FBXL7: variants seen among roughly 807,000 people sequenced by gnomAD.
The protein encoded by FBXL7 is F-box and leucine rich repeat protein 7.
Under a neutral mutation model 38.3 loss-of-function variants are expected in FBXL7, and 12 were observed. That is an observed-to-expected ratio of 0.31 (90% confidence interval 0.20 to 0.51). FBXL7 has a LOEUF of 0.51. Among genes scored for constraint, FBXL7 ranks in the 20% least tolerant of loss-of-function variants. FBXL7 has a pLI of 0.98. For missense variants in FBXL7, 567 were observed against 676.4 expected (o/e 0.84, Z 1.79); for synonymous variants, 297 against 300.9 (o/e 0.99, Z 0.13).
At chr5:15,556,359 G>A (rs548968554) in intron 1 of FBXL7, among the ~76,000 whole-genome samples, 1 of 152,188 alleles carries the variant, frequency 6.6e-6, no homozygotes, top group Non-Finnish European at 1.5e-5. Context: ...TCAGTCTTCT[G>A]CCTTTTGTTC....
At chr5:15,761,780 G>A (rs1364717629) in intron 2 of FBXL7, among the ~76,000 whole-genome samples, 2 of 152,090 alleles carry the variant, frequency 1.3e-5, no homozygotes, top group East Asian at 1.9e-4. Context: ...TCCTGGACTC[G>A]AGTGATCTGC....
intron 1 of FBXL7, among the ~76,000 whole-genome samples, chr5:15,534,101 C>A (rs2126396559): frequency 6.6e-6 from 1 of 152,302 alleles, no homozygotes; most frequent in South Asian, 2.1e-4. Flanking sequence ...CATACAGGCA[C>A]AGCGTCCTGC....
At chr5:15,646,256 A>G (rs1561067650) in intron 2 of FBXL7, among the ~76,000 whole-genome samples, 1 of 152,256 alleles carries the variant, frequency 6.6e-6, no homozygotes, top group Non-Finnish European at 1.5e-5. Flanking sequence ...AGTTTCCAGT[A>G]TGATCCTGAC....
intron 2 of FBXL7, among the ~76,000 whole-genome samples, chr5:15,745,164 C>T (rs184899467): frequency 1.3e-5 from 2 of 152,008 alleles, no homozygotes; most frequent in Admixed American, 1.3e-4. Flanking sequence ...TCAATTTAAA[C>T]ATTTAGTTAT....
intron 2 of FBXL7, among the ~76,000 whole-genome samples, chr5:15,761,636 T>C (rs548185327): frequency 1.3e-5 from 2 of 152,332 alleles, no homozygotes; most frequent in Admixed American, 6.5e-5. Context: ...CTCCATCTCC[T>C]GGGCTCAGGT....
At chr5:15,799,446 C>T (rs1737502351) in intron 2 of FBXL7, among the ~76,000 whole-genome samples, 1 of 149,562 alleles carries the variant, frequency 6.7e-6, no homozygotes, top group Non-Finnish European at 1.5e-5. Flanking sequence ...ACCTCAACCT[C>T]CGCCTCCTGG....
chr5:15,850,961 C>T (rs1029756303), intron 2 of FBXL7, among the ~76,000 whole-genome samples: 1 of 152,220 alleles, frequency 6.6e-6, no homozygotes, highest in Non-Finnish European at 1.5e-5. Flanking sequence ...CATGTAAGAA[C>T]TCCCAACTCC....
chr5:15,863,210 A>C (rs1490491694), intron 2 of FBXL7, among the ~76,000 whole-genome samples: 1 of 152,226 alleles, frequency 6.6e-6, no homozygotes, highest in African/African-American at 2.4e-5. Flanking sequence ...AGTAGCAAAA[A>C]CCCAAGGATG....
At chr5:15,687,883 A>G (rs1170185710) in intron 2 of FBXL7, among the ~76,000 whole-genome samples, 1 of 152,238 alleles carries the variant, frequency 6.6e-6, no homozygotes, top group African/African-American at 2.4e-5. Flanking sequence ...TTGAGGGATG[A>G]TAGTACTAAG....
intron 2 of FBXL7, among the ~76,000 whole-genome samples, chr5:15,891,476 A>G (rs1273954559): frequency 6.6e-6 from 1 of 152,248 alleles, no homozygotes; most frequent in African/African-American, 2.4e-5. Context: ...GTACATATTT[A>G]TGTAAACTAG....
At chr5:15,641,061 T>A (rs1741353163) in intron 2 of FBXL7, among the ~76,000 whole-genome samples, 1 of 152,186 alleles carries the variant, frequency 6.6e-6, no homozygotes. Flanking sequence ...GGCCTGAGCT[T>A]GCTAATACAC....
At chr5:15,852,040 C>T (rs1739112952) in intron 2 of FBXL7, among the ~76,000 whole-genome samples, 1 of 152,130 alleles carries the variant, frequency 6.6e-6, no homozygotes. Flanking sequence ...CTGTCAATGG[C>T]TTCAAGGTCA....
chr5:15,501,530 T>C, intron 1 of FBXL7: 3 of 985,546 alleles, frequency 3.0e-6, no homozygotes, highest in Non-Finnish European at 1.2e-6. Context: ...TAAGAAGGTT[T>C]GTGTCTAGTG....
chr5:15,519,882 C>T (rs1044130078), intron 1 of FBXL7, among the ~76,000 whole-genome samples: 9 of 152,150 alleles, frequency 5.9e-5, no homozygotes, highest in African/African-American at 2.2e-4. Context: ...AGAAAGAATT[C>T]AGGGCGAGTC....
chr5:15,938,245 TCAGTTGCTTTTA>T lies in FBXL7; in HGVS notation c.*1061_*1072del, dbSNP rs1432167270. ...TCACAGCAAAGCCCAGATCCCCCCA[TCAGTTGCTTTTA>T]CTCAGTGTTTTCAAATAGGAGTAAA... On this transcript the variant is annotated 3_prime_UTR_variant, in exon 4 of 4. Coordinates refer to ENST00000504595, the MANE Select transcript of FBXL7 (RefSeq NM_012304.5). 6.6e-6 allele frequency: 1 copy of T among 152,166 alleles called. No individual in the cohort carries two copies. The highest frequency in any genetic ancestry group is 1.5e-5 in the Non-Finnish European group (1 of 68,056). The allele number at this position is 152,166 out of a possible 1,614,324, so 9.4% of individuals were successfully genotyped here. A position where few individuals can be genotyped will look rare whatever the true frequency, so the allele number is the denominator to read the frequency against.
chr5:15,566,399 C>A (rs1388780009), intron 1 of FBXL7, among the ~76,000 whole-genome samples: 1 of 152,088 alleles, frequency 6.6e-6, no homozygotes, highest in Admixed American at 6.6e-5. Flanking sequence ...TTTAGGCAAA[C>A]CAACTTAAGA....
chr5:15,845,227 C>T (rs1738861411), intron 2 of FBXL7, among the ~76,000 whole-genome samples: 1 of 152,222 alleles, frequency 6.6e-6, no homozygotes, highest in South Asian at 2.1e-4. Flanking sequence ...TTTCCTTATG[C>T]TGGTAATGGT....
intron 2 of FBXL7, among the ~76,000 whole-genome samples, chr5:15,798,719 A>C (rs2126738771): frequency 6.6e-6 from 1 of 152,340 alleles, no homozygotes; most frequent in Non-Finnish European, 1.5e-5. Context: ...AAACACAGGC[A>C]AAAAGACAAC....
intron 1 of FBXL7, among the ~76,000 whole-genome samples, chr5:15,553,424 T>G (rs1278984569): frequency 6.6e-6 from 1 of 152,256 alleles, no homozygotes; most frequent in Non-Finnish European, 1.5e-5. Flanking sequence ...TCCAGTTGCT[T>G]ACCCAAGTTG....
Sources: gnomAD v4.1 joint callset for allele counts (sites outside exome capture counted in the v4.1 genomes callset) on GRCh38, gnomAD v4.1.1 for gene constraint, MANE v1.5 for transcripts, NCBI Gene and HGNC (gene_info 2026-07-23, HGNC 2026-07-21) for gene names.